ZNF273: variants seen among roughly 807,000 people sequenced by gnomAD.
ZNF273 encodes zinc finger protein 9.
ZNF273 carries 11 observed loss-of-function variants against 14.9 expected under a neutral mutation model. That is an observed-to-expected ratio of 0.74 (90% confidence interval 0.46 to 1.22). The LOEUF is 1.22. Among genes scored for constraint, ZNF273 ranks in the 50% most tolerant of loss-of-function variants. ZNF273 has a pLI of 0.00. For missense variants in ZNF273, 577 were observed against 660.6 expected (o/e 0.87, Z 1.39); for synonymous variants, 199 against 223.9 (o/e 0.89, Z 0.99).
At chr7:64,881,905 A>G (rs1017585181), downstream of ZNF273, among the ~76,000 whole-genome samples, 4 of 152,054 alleles carry the variant, frequency 2.6e-5, no homozygotes, top group Admixed American at 2.0e-4. Context: ...GCACTCGTGG[A>G]CACCCATTTC....
At chr7:64,931,582 A>G (rs954053034), downstream of ZNF273, among the ~76,000 whole-genome samples, 4 of 152,158 alleles carry the variant, frequency 2.6e-5, no homozygotes, top group African/African-American at 9.7e-5. Context: ...GGAGAACCCT[A>G]TGTAAGCCGA....
intron 3 of ZNF273, among the ~76,000 whole-genome samples, chr7:64,923,179 A>C (rs1794588957): frequency 6.6e-6 from 1 of 151,964 alleles, no homozygotes. Flanking sequence ...GTGTAACTGC[A>C]TCATATATCT....
At chr7:64,913,642 T>C (rs1221576390) in intron 1 of ZNF273, among the ~76,000 whole-genome samples, 1 of 152,186 alleles carries the variant, frequency 6.6e-6, no homozygotes, top group East Asian at 1.9e-4. Flanking sequence ...ATGACAAGAG[T>C]GCTGAGTGTA....
chr7:64,917,745 T>G lies in ZNF273; in HGVS notation c.229+38T>G, dbSNP rs767441493. ...TTAATACATAATTTAAAGGTTTCAC[T>G]TCTCCTTTCTGTAGAATGTTTTTTG... On this transcript the variant is annotated intron_variant, in intron 2 of 3. Coordinates refer to ENST00000476120, the MANE Select transcript of ZNF273 (RefSeq NM_021148.3). The G allele has an allele frequency of 2.6e-6, 4 of 1,527,014 alleles. No individual in the cohort carries two copies. In the South Asian group the frequency reaches 3.6e-5, roughly 14 times the overall value. 94.6% of individuals were successfully genotyped at this position (1,527,014 alleles called of 1,614,324 possible). A position where few individuals can be genotyped will look rare whatever the true frequency, so the allele number is the denominator to read the frequency against.
At chr7:64,880,118 AAG>A (rs1791207605), downstream of ZNF273, 1 of 152,238 alleles carries the variant, frequency 6.6e-6, no homozygotes, top group Non-Finnish European at 1.5e-5. Flanking sequence ...ACTCTTGGCA[AAG>A]AGGGGGTCCT....
At chr7:64,888,684 C>T in exon 2 of ZNF273, 1 of 985,760 alleles carries the variant, frequency 1.0e-6, no homozygotes, top group Non-Finnish European at 1.2e-6. Flanking sequence ...GCAAAGTCTT[C>T]GGGGTGAGAG....
chr7:64,884,805 G>A (rs1054091376), intron 1 of ZNF273, among the ~76,000 whole-genome samples: 3 of 152,190 alleles, frequency 2.0e-5, no homozygotes, highest in Non-Finnish European at 4.4e-5. Flanking sequence ...TTCTCGAATC[G>A]CCTTTTCCTC....
intron 1 of ZNF273, among the ~76,000 whole-genome samples, chr7:64,885,055 G>C (rs1486690549): frequency 6.6e-6 from 1 of 152,186 alleles, no homozygotes; most frequent in South Asian, 2.1e-4. Context: ...GCCTTGGCTC[G>C]CGTGTCAGTG....
intron 3 of ZNF273, among the ~76,000 whole-genome samples, chr7:64,921,157 T>C (rs985242494): frequency 1.3e-5 from 2 of 151,814 alleles, no homozygotes; most frequent in Admixed American, 1.3e-4. Flanking sequence ...CTCCACTTCC[T>C]GGGTTTAAGT....
chr7:64,902,660 G>T (rs571014319), upstream of ZNF273, among the ~76,000 whole-genome samples: 1 of 152,296 alleles, frequency 6.6e-6, no homozygotes, highest in African/African-American at 2.4e-5. Context: ...AGCAGAGATC[G>T]GATCGTGCCA....
intron 3 of ZNF273, chr7:64,923,311 T>C (rs576944240): frequency 2.4e-5 from 10 of 417,206 alleles, no homozygotes; most frequent in Middle Eastern, 3.5e-4. Context: ...CCAGTTTTAT[T>C]GTTGTTGTTT....
At chr7:64,904,557 C>G (rs1562956048) in intron 1 of ZNF273, among the ~76,000 whole-genome samples, 1 of 152,188 alleles carries the variant, frequency 6.6e-6, no homozygotes, top group African/African-American at 2.4e-5. Flanking sequence ...CCCCCAATTC[C>G]TTCAGCCTAA....
chr7:64,904,133 G>C lies in ZNF273; in HGVS notation c.102+714G>C, dbSNP rs528295568. ...GACAGAGTCTCACACTGTCGCTCAG[G>C]CTGGAGTGCAATGGCAGCCATCTCG... On this transcript the variant is annotated intron_variant, in intron 1 of 3. Transcript: ENST00000476120. Among the ~76,000 whole-genome samples, 5 of 152,220 alleles carry C rather than the reference G, an allele frequency of 3.3e-5. No individual in the cohort carries two copies. The South Asian group carries it at 8.3e-4, about 25-fold the overall frequency.
downstream of ZNF273, among the ~76,000 whole-genome samples, chr7:64,881,295 T>G (rs1156315179): frequency 1.3e-5 from 2 of 152,160 alleles, no homozygotes; most frequent in African/African-American, 4.8e-5. Flanking sequence ...GACTTCCATG[T>G]TTCTCGTGGG....
At chr7:64,889,144 G>C (rs1791799257), downstream of ZNF273, 2 of 985,956 alleles carry the variant, frequency 2.0e-6, no homozygotes, top group Non-Finnish European at 2.4e-6. This position sits in a 1 kb window ranked among gnomAD's most constrained non-coding sequence, Gnocchi z 4.2. Flanking sequence ...TTGCGGAGGG[G>C]ACGCCCGGGC....
intron 3 of ZNF273, chr7:64,923,957 A>G (rs577007600): frequency 6.6e-5 from 10 of 152,246 alleles, no homozygotes; most frequent in African/African-American, 2.2e-4. Flanking sequence ...TTGTCTCTTG[A>G]GATTCCATAT....
chr7:64,883,555 A>C (rs1791397638), downstream of ZNF273, among the ~76,000 whole-genome samples: 1 of 152,174 alleles, frequency 6.6e-6, no homozygotes, highest in Non-Finnish European at 1.5e-5. Flanking sequence ...ATGATACAGA[A>C]GGTGCTTCCC....
At chr7:64,878,230 T>C (rs1397799461) in intron 1 of ZNF273, among the ~76,000 whole-genome samples, 1 of 151,320 alleles carries the variant, frequency 6.6e-6, no homozygotes, top group Non-Finnish European at 1.5e-5. Flanking sequence ...GGGGACTGGC[T>C]GAGACACCAG....
intron 1 of ZNF273, among the ~76,000 whole-genome samples, chr7:64,915,028 A>G (rs1010116576): frequency 4.4e-4 from 66 of 148,488 alleles, no homozygotes; most frequent in African/African-American, 1.6e-3. Flanking sequence ...TTGCTTCTCT[A>G]CTTGCATTTT....
Sources: allele counts gnomAD v4.1 joint callset (sites outside exome capture counted in the v4.1 genomes callset), GRCh38; gene constraint gnomAD v4.1.1; non-coding constraint Gnocchi (gnomAD v3.1); transcripts MANE v1.5; gene names NCBI Gene and HGNC (gene_info 2026-07-23, HGNC 2026-07-21).